Variants in ZNF141 observed in about 807,000 individuals in gnomAD.
ZNF141 encodes the protein zinc finger protein 141 (clone pHZ-44).
In ZNF141, 7 loss-of-function variants were observed where a neutral mutation model predicts 11.3. The observed-to-expected ratio is 0.62, with a 90% CI of 0.35 to 1.16. The LOEUF (loss-of-function observed/expected upper bound fraction) is 1.16. ZNF141 is among the 50% of genes most tolerant of loss of function. The probability of loss-of-function intolerance (pLI) is 0.02; values close to 1 mark genes in which losing one functional copy is unlikely to be tolerated. For missense variants in ZNF141, 535 were observed against 554.0 expected, an observed-to-expected ratio of 0.97 and a Z score of 0.34; for synonymous variants, 183 against 190.7, an observed-to-expected ratio of 0.96 and a Z score of 0.33.
chr4:351,087 C>G (rs1461532076), intron 3 of ZNF141, among the ~76,000 whole-genome samples: 2 of 151,794 alleles, frequency 1.3e-5, no homozygotes, highest in Non-Finnish European at 2.9e-5. Context: ...CACCTCCCCT[C>G]TCACTCTTGT....
chr4:338,075 G>C, intron 1 of ZNF141, 89 bp downstream of exon 1: 1 of 1,574,826 alleles, frequency 6.3e-7, no homozygotes, highest in South Asian at 1.1e-5. Flanking sequence ...TGCGAACGGA[G>C]TCCCCGCTGC....
At chr4:366,652 C>T (rs185152675) in intron 3 of ZNF141, among the ~76,000 whole-genome samples, 1,908 of 151,220 alleles carry the variant, frequency 0.013, 13 homozygotes, top group Middle Eastern at 0.041. Flanking sequence ...CTTTTCAATT[C>T]GGTTTGCTGC....
At chr4:344,492 C>T in intron 3 of ZNF141, 62 bp downstream of exon 3, 1 of 1,474,872 alleles carries the variant, frequency 6.8e-7, no homozygotes, top group Non-Finnish European at 9.3e-7. Context: ...AGAAGGAAGC[C>T]AGGCCTTAAA....
rs781801439 is a variant in ZNF141 at position 373,696 on chromosome 4, A to C, written c.1259A>C (p.Asp420Ala). Reference sequence around the variant, plus strand: ...CAACATAAGAAAATTCATAGTGCAGATAAACCCTACAAATGTAAAGAATGT... The same window carrying C: ...CAACATAAGAAAATTCATAGTGCAGCTAAACCCTACAAATGTAAAGAATGT... ...RSQHKKIHSA[D>A]KPYKCKECDK... The change falls in exon 4 of 4, where the codon GAT becomes GCT. Residue 420 changes from aspartate (D) to alanine (A), a missense_variant. Coordinates refer to ENST00000240499, the MANE Select transcript of ZNF141 (RefSeq NM_003441.4). The C allele has an allele frequency of 1.4e-5, 22 of 1,614,056 alleles. No individual in the cohort carries two copies. Among genetic ancestry groups the C allele is most frequent in the Non-Finnish European group, 1.6e-5 (19 of 1,180,018 alleles).
chr4:373,146 A>G lies in ZNF141; in HGVS notation c.709A>G (p.Thr237Ala). 6.2e-7 allele frequency: 1 copy of G among 1,614,028 alleles called. No homozygotes were observed. Among genetic ancestry groups the G allele is most frequent in the Non-Finnish European group, 8.5e-7 (1 of 1,180,000 alleles). The change falls in exon 4 of 4, where the codon ACC (threonine) becomes GCC (alanine). Residue 237 changes from threonine to alanine, a missense_variant. Physicochemically the swap from Thr to Ala is moderately conservative, Grantham distance 58. Transcript: ENST00000240499. ...TTGTGAAGAATGTGGCAGCATCTTTACCACATCCTCACACTTTGCTAAGCA... is the reference window on the plus strand; with the variant it reads ...TTGTGAAGAATGTGGCAGCATCTTTGCCACATCCTCACACTTTGCTAAGCA... ...FTCEECGSIFTTSSHFAKHKI... is the reference protein window; with the variant it reads ...FTCEECGSIFATSSHFAKHKI...
intron 3 of ZNF141, among the ~76,000 whole-genome samples, chr4:368,965 A>G (rs1249653220): frequency 6.6e-6 from 1 of 152,168 alleles, no homozygotes; most frequent in Non-Finnish European, 1.5e-5. Flanking sequence ...AGGAATTTAG[A>G]CATCTTCTTT....
chr4:380,017 CTA>C lies in ZNF141; in HGVS notation c.*6157_*6158del, dbSNP rs1183874740. Among the ~76,000 whole-genome samples the C allele has an allele frequency of 7.9e-5, 12 of 152,196 alleles. No individual in the cohort carries two copies. Among genetic ancestry groups the C allele is most frequent in the South Asian group, 2.1e-4 (1 of 4,834 alleles). ...TCTTGAATTTATTCCTCCTAGGCAA[CTA>C]TGTGTTGTTTTACAGACATGTCTCC... On this transcript the variant is annotated 3_prime_UTR_variant, in exon 4 of 4. Coordinates refer to ENST00000240499, the MANE Select transcript of ZNF141 (RefSeq NM_003441.4).
In ZNF141 at chr4:377,514, G is replaced by A. The variant is rs1712427037; in HGVS notation, c.*3652G>A. On this transcript the variant is annotated 3_prime_UTR_variant, in exon 4 of 4. Coordinates refer to ENST00000240499, the MANE Select transcript of ZNF141 (RefSeq NM_003441.4). The stretch of plus-strand genomic sequence containing the variant: ...TTTATCCCCAGCTATGTATGCCTCA[G>A]AGCCTTTCTTCATTTTTGCGTTATG... Among the ~76,000 whole-genome samples, 1 of 152,142 alleles carries A rather than the reference G, an allele frequency of 6.6e-6. No homozygotes were observed. The highest frequency in any genetic ancestry group is 1.5e-5 in the Non-Finnish European group (1 of 68,040).
intron 3 of ZNF141, among the ~76,000 whole-genome samples, chr4:364,915 C>T (rs1334452174): frequency 2.6e-5 from 4 of 152,254 alleles, no homozygotes; most frequent in African/African-American, 9.6e-5. Flanking sequence ...GCCTTTTGTT[C>T]AGCTATGCCC....
At chr4:366,241 A>C (rs1458874704) in intron 3 of ZNF141, among the ~76,000 whole-genome samples, 1 of 152,154 alleles carries the variant, frequency 6.6e-6, no homozygotes, top group Non-Finnish European at 1.5e-5. Flanking sequence ...CACTTTCGTA[A>C]TGTTTTTTCA....
intron 3 of ZNF141, among the ~76,000 whole-genome samples, chr4:366,782 C>G (rs1711764900): frequency 6.6e-6 from 1 of 152,232 alleles, no homozygotes; most frequent in Admixed American, 6.5e-5. Context: ...TCAAGCAATT[C>G]TCCTGCCTCA....
At chr4:338,232 G>A in intron 1 of ZNF141, 1 of 467,038 alleles carries the variant, frequency 2.1e-6, no homozygotes, top group Non-Finnish European at 3.8e-6. Context: ...TGTGGGGTGA[G>A]GAGTAGCTTA....
In ZNF141 at chr4:373,665, C is replaced by A. The variant is rs782157605; in HGVS notation, c.1228C>A (p.Arg410=). ...CGKAFRRSTD[R]SQHKKIHSAD... The stretch of plus-strand genomic sequence containing the variant: ...CAAAGCCTTTAGACGGTCCACAGAT[C>A]GGAGTCAACATAAGAAAATTCATAG... The change falls in exon 4 of 4, where the codon CGG becomes AGG. Residue 410 remains arginine (R), a synonymous_variant. Coordinates refer to ENST00000240499, the MANE Select transcript of ZNF141 (RefSeq NM_003441.4). 3.5e-5 allele frequency: 56 copies of A among 1,613,950 alleles called. No homozygotes were observed. The highest frequency in any genetic ancestry group is 4.6e-5 in the Non-Finnish European group (54 of 1,179,994).
At chr4:362,591 C>T (rs1242561204) in intron 3 of ZNF141, among the ~76,000 whole-genome samples, 2 of 152,182 alleles carry the variant, frequency 1.3e-5, no homozygotes, top group African/African-American at 2.4e-5. Flanking sequence ...TCAGCTTTTA[C>T]ATATGGCTAG....
rs1345773203 is a variant in ZNF141 at position 374,872 on chromosome 4, C to G, written c.*1010C>G. On this transcript the variant is annotated 3_prime_UTR_variant, in exon 4 of 4. Transcript: ENST00000240499. ...GAAACTGCAAACGTGGAAAGTGTGA[C>G]AAAGCTTGCAACCACACTCAATCTA... The G allele has an allele frequency of 6.6e-6, 1 of 152,308 alleles. No individual in the cohort carries two copies. Among genetic ancestry groups the G allele is most frequent in the Non-Finnish European group, 1.5e-5 (1 of 68,062 alleles). The allele number at this position is 152,308 out of a possible 1,614,324, so 9.4% of individuals were successfully genotyped here.
chr4:352,905 G>A (rs782724890), intron 3 of ZNF141, among the ~76,000 whole-genome samples: 30 of 152,160 alleles, frequency 2.0e-4, no homozygotes, highest in Non-Finnish European at 3.2e-4. Context: ...AAGTGTAGGT[G>A]GGCCCCTGGA....
intron 3 of ZNF141, among the ~76,000 whole-genome samples, chr4:363,572 C>CA (rs1711584612): frequency 6.6e-6 from 1 of 152,040 alleles, no homozygotes; most frequent in East Asian, 1.9e-4. Context: ...CTGGCTAACA[C>CA]CGTGAAACCT....
chr4:338,111 A>C (rs1720877969), intron 1 of ZNF141, 125 bp downstream of exon 1: 4 of 1,336,256 alleles, frequency 3.0e-6, no homozygotes, highest in Non-Finnish European at 4.1e-6. Context: ...GGGCCTCAGT[A>C]CCCTCCGGTG....
chr4:346,893 A>ACACACC lies in ZNF141; in HGVS notation c.226+2464_226+2465insACACCC, dbSNP rs373224939. 4.3e-3 allele frequency among the ~76,000 whole-genome samples: 577 copies of ACACACC among 135,406 alleles called. 17 individuals carry two copies. The highest frequency in any genetic ancestry group is 7.3e-3 in the African/African-American group (228 of 31,330). 88.8% of individuals were successfully genotyped at this position (135,406 alleles called of 152,430 possible). A position where few individuals can be genotyped will look rare whatever the true frequency, so the allele number is the denominator to read the frequency against. ...TATATATGTATACACACACACACACACCGCCCCCCCCATATATTGGCTACT... is the reference window on the plus strand; with the variant it reads ...TATATATGTATACACACACACACACACACACCCCGCCCCCCCCATATATTGGCTACT... On this transcript the variant is annotated intron_variant, in intron 3 of 3. Coordinates refer to ENST00000240499, the MANE Select transcript of ZNF141 (RefSeq NM_003441.4).
Sources: allele counts gnomAD v4.1 joint callset (sites outside exome capture counted in the v4.1 genomes callset), GRCh38; gene constraint gnomAD v4.1.1; transcripts MANE v1.5; gene names NCBI Gene and HGNC (gene_info 2026-07-23, HGNC 2026-07-21).